CDH13: variants seen among roughly 807,000 people sequenced by gnomAD.
CDH13 encodes cadherin 13, also known as cadherin-13.
In CDH13, 24 loss-of-function variants were observed where a neutral mutation model predicts 63.8. The observed-to-expected ratio is 0.38, with a 90% CI of 0.27 to 0.53. The LOEUF is 0.53. Ranked by LOEUF, CDH13 falls within the 20% of genes least tolerant of loss-of-function variation. The probability of loss-of-function intolerance (pLI) is 0.85; values close to 1 mark genes in which losing one functional copy is unlikely to be tolerated. For missense variants in CDH13, 1,049 were observed against 903.1 expected (o/e 1.16, Z -2.07); for synonymous variants, 503 against 355.3 (o/e 1.42, Z -4.67).
intron 5 of CDH13, among the ~76,000 whole-genome samples, chr16:83,297,863 C>T (rs146612686): frequency 6.6e-6 from 1 of 152,024 alleles, no homozygotes; most frequent in African/African-American, 2.4e-5. Flanking sequence ...AGATCCAGAC[C>T]TTTCTTGAGG....
intron 6 of CDH13, among the ~76,000 whole-genome samples, chr16:83,408,072 G>T (rs1400604104): frequency 6.6e-6 from 1 of 152,186 alleles, no homozygotes; most frequent in Non-Finnish European, 1.5e-5. Flanking sequence ...AGAAGATTTA[G>T]CTGTGTTGGG....
chr16:82,885,299 A>C (rs1317643876), intron 2 of CDH13, among the ~76,000 whole-genome samples: 3 of 152,220 alleles, frequency 2.0e-5, no homozygotes, highest in African/African-American at 4.8e-5. Context: ...CAGCAAAAAG[A>C]AGAAAAAAAA....
chr16:82,743,043 C>G (rs190208489), intron 1 of CDH13, among the ~76,000 whole-genome samples: 85 of 152,060 alleles, frequency 5.6e-4, no homozygotes, highest in African/African-American at 2.0e-3. Context: ...GAAATGTGTA[C>G]AATGTGAACA....
At chr16:82,859,971 C>T (rs953773605) in intron 2 of CDH13, among the ~76,000 whole-genome samples, 1 of 152,226 alleles carries the variant, frequency 6.6e-6, no homozygotes, top group African/African-American at 2.4e-5. Flanking sequence ...ATTTCCTGCT[C>T]ATTTGATCTC....
intron 1 of CDH13, among the ~76,000 whole-genome samples, chr16:82,704,209 G>C (rs941951414): frequency 1.3e-5 from 2 of 152,158 alleles, no homozygotes; most frequent in African/African-American, 4.8e-5. Flanking sequence ...TCAGCCTTCA[G>C]CAGGCTCTAG....
chr16:83,341,504 C>A (rs1597790318), intron 5 of CDH13, among the ~76,000 whole-genome samples: 1 of 152,276 alleles, frequency 6.6e-6, no homozygotes, highest in East Asian at 1.9e-4. Flanking sequence ...TCATCCACAT[C>A]ATTAATAAGA....
rs575229300 is a variant in CDH13 at position 82,847,637 on chromosome 16, C to T, written c.46-10725C>T. 3.1e-3 allele frequency among the ~76,000 whole-genome samples: 465 copies of T among 152,342 alleles called. 1 individual carries two copies. Among genetic ancestry groups the T allele is most frequent in the Non-Finnish European group, 4.8e-3 (328 of 68,030 alleles). On this transcript the variant is annotated intron_variant, in intron 1 of 13. Transcript: ENST00000567109. ...GATTCCCAACCTTAATTACCCTTTG[C>T]CATGTAATCTAACATATTCACAGGT... is the stretch of plus-strand genomic sequence containing the variant.
intron 1 of CDH13, among the ~76,000 whole-genome samples, chr16:82,717,451 A>G (rs1176716730): frequency 2.3e-4 from 34 of 145,884 alleles, no homozygotes; most frequent in Admixed American, 2.3e-3. Flanking sequence ...AAAAAAAAAA[A>G]AAAGAGCCCC....
At chr16:83,525,330 T>C (rs2074937201) in intron 7 of CDH13, among the ~76,000 whole-genome samples, 1 of 152,246 alleles carries the variant, frequency 6.6e-6, no homozygotes, top group African/African-American at 2.4e-5. Flanking sequence ...TATTTAACCT[T>C]CTGGACAACA....
In CDH13 at chr16:83,266,954, C is replaced by G. The variant is rs186917888; in HGVS notation, c.636+49457C>G. On this transcript the variant is annotated intron_variant, in intron 5 of 13. Coordinates refer to ENST00000567109, the MANE Select transcript of CDH13 (RefSeq NM_001257.5). ...TCAGCCTATTTTCTTTTTTTCTACT[C>G]ATGTTCTGATTGCAAATGACAGGAG... Among the ~76,000 whole-genome samples, 769 of 152,278 alleles carry G rather than the reference C, an allele frequency of 5.0e-3. 6 individuals are homozygous for G. The highest frequency in any genetic ancestry group is 0.018 in the African/African-American group (735 of 41,558).
At chr16:83,682,150 C>G (rs1275963950) in intron 10 of CDH13, among the ~76,000 whole-genome samples, 5 of 152,168 alleles carry the variant, frequency 3.3e-5, no homozygotes, top group Non-Finnish European at 5.9e-5. Flanking sequence ...GAGTAATCTA[C>G]TGCAACAGAA....
intron 4 of CDH13, among the ~76,000 whole-genome samples, chr16:83,172,919 A>G (rs1371609751): frequency 4.6e-5 from 7 of 152,088 alleles, no homozygotes. Context: ...AACTGAAGTC[A>G]AAGGGATTTA....
intron 1 of CDH13, chr16:82,825,556 TTC>T (rs1749646100): frequency 6.7e-6 from 1 of 150,308 alleles, no homozygotes; most frequent in South Asian, 2.1e-4. Context: ...TTTTTTTTTT[TTC>T]CCAAACAGAG....
chr16:83,020,087 C>T (rs1198625315), intron 2 of CDH13, among the ~76,000 whole-genome samples: 1 of 152,122 alleles, frequency 6.6e-6, no homozygotes, highest in African/African-American at 2.4e-5. Context: ...TATCATCTTA[C>T]GGGATTGCTA....
chr16:82,914,186 A>T (rs980682940), intron 2 of CDH13, among the ~76,000 whole-genome samples: 1 of 152,060 alleles, frequency 6.6e-6, no homozygotes, highest in East Asian at 1.9e-4. Context: ...GCAGGCTTCT[A>T]CTTAGTACAA....
chr16:82,971,860 C>G (rs905446871), intron 2 of CDH13, among the ~76,000 whole-genome samples: 2 of 152,192 alleles, frequency 1.3e-5, no homozygotes, highest in African/African-American at 2.4e-5. Flanking sequence ...GAATCCCAGA[C>G]TTGCAGGGAC....
rs151114622 is a variant in CDH13, at chr16:82,704,066, C to T, written c.45+76929C>T. Among the ~76,000 whole-genome samples the T allele has an allele frequency of 3.4e-3, 515 of 152,218 alleles. 2 individuals are homozygous for T. The highest frequency in any genetic ancestry group is 0.012 in the African/African-American group (495 of 41,522). ...AATAAAAAAACCCATGACACTGCCA[C>T]AGCTGAAAAAGCCTTTGAAAAAGGC... On this transcript the variant is annotated intron_variant, in intron 1 of 13. Transcript: ENST00000567109.
intron 5 of CDH13, among the ~76,000 whole-genome samples, chr16:83,254,940 T>C (rs1282299722): frequency 8.6e-6 from 1 of 116,672 alleles, no homozygotes; most frequent in Non-Finnish European, 1.9e-5. Context: ...TCTTGGATTT[T>C]TTCTTTTTCT....
rs79242248 is a variant in CDH13 at position 83,478,837 on chromosome 16, A to G, written c.782-7640A>G. ...GCCAGTAGAGTCTTTTGAAGATGAGAAAAAAAAAAAAAAAAAGAAAAAAAG... is the reference window on the plus strand; with the variant it reads ...GCCAGTAGAGTCTTTTGAAGATGAGGAAAAAAAAAAAAAAAAGAAAAAAAG... On this transcript the variant is annotated intron_variant, in intron 6 of 13. Transcript: ENST00000567109. Among the ~76,000 whole-genome samples the G allele has an allele frequency of 3.9e-3, 200 of 50,650 alleles. 2 individuals carry two copies. Among genetic ancestry groups the G allele is most frequent in the African/African-American group, 0.012 (189 of 16,092 alleles). 33.2% of individuals were successfully genotyped at this position (50,650 alleles called of 152,430 possible).
Sources: gnomAD v4.1 joint callset for allele counts (sites outside exome capture counted in the v4.1 genomes callset) on GRCh38, gnomAD v4.1.1 for gene constraint, MANE v1.5 for transcripts, NCBI Gene and HGNC (gene_info 2026-07-23, HGNC 2026-07-21) for gene names.